Variants in XRRA1 observed in about 807,000 individuals in gnomAD.
XRRA1 encodes the protein X-ray radiation resistance-associated protein 1.
Under a neutral mutation model 80.2 loss-of-function variants are expected in XRRA1, and 69 were observed. The ratio of observed to expected loss-of-function variants is 0.86; its 90% CI spans 0.71 to 1.05. XRRA1 has a LOEUF of 1.05. Among genes scored for constraint, XRRA1 ranks in the 50% least tolerant of loss-of-function variants. The pLI is 0.00. For missense variants in XRRA1, 967 were observed against 976.4 expected (o/e 0.99, Z 0.13); for synonymous variants, 348 against 389.9 (o/e 0.89, Z 1.27).
chr11:74,848,151 C>G lies in XRRA1; in HGVS notation c.1692G>C (p.Glu564Asp). The change falls in exon 15 of 19, where the codon GAG becomes GAC. Residue 564 changes from glutamate to aspartate, a missense_variant. Transcript: ENST00000684022. ...VRLSPERPSD[E>D]DSKSTESIFL... ...AGATGGACTCTGTGCTCTTGGAGTC[C>G]TCATCTGATGGGCGCTCTGGGCTGA... 1.9e-6 allele frequency: 3 copies of G among 1,612,774 alleles called. 1 individual carries two copies. Among genetic ancestry groups the G allele is most frequent in the South Asian group, 2.2e-5 (2 of 91,048 alleles).
chr11:74,945,594 G>T (rs539791893), intron 1 of XRRA1, among the ~76,000 whole-genome samples: 1 of 113,802 alleles, frequency 8.8e-6, no homozygotes, highest in Non-Finnish European at 1.9e-5. Context: ...ACAACTAATG[G>T]GCCAAGAAGG....
intron 5 of XRRA1, 74 bp downstream of exon 5, chr11:74,933,727 G>C (rs1398125519): frequency 7.0e-7 from 1 of 1,426,190 alleles, no homozygotes. Context: ...AGGTGCAAGA[G>C]ACAAACCACA....
chr11:74,898,538 T>C (rs1033838903), intron 10 of XRRA1, among the ~76,000 whole-genome samples: 2 of 151,576 alleles, frequency 1.3e-5, no homozygotes, highest in Non-Finnish European at 2.9e-5. Context: ...AAGATACACA[T>C]AGACTAAAAA....
At chr11:74,892,648 T>C (rs1288640808) in intron 10 of XRRA1, among the ~76,000 whole-genome samples, 193 of 152,052 alleles carry the variant, frequency 1.3e-3, no homozygotes, top group Non-Finnish European at 2.3e-3. Context: ...ATTTTTGCAA[T>C]CTACTCATCT....
chr11:74,868,860 T>G (rs942292802), intron 10 of XRRA1, among the ~76,000 whole-genome samples: 1 of 152,140 alleles, frequency 6.6e-6, no homozygotes, highest in East Asian at 1.9e-4. Flanking sequence ...AAGTTGCTTT[T>G]AGAGACATAT....
chr11:74,867,928 T>TTTTTC (rs1377431234), intron 10 of XRRA1, among the ~76,000 whole-genome samples: 1 of 146,294 alleles, frequency 6.8e-6, no homozygotes, highest in Non-Finnish European at 1.5e-5. Context: ...TTTTTTTTTT[T>TTTTTC]TTTTTTTTCT....
intron 14 of XRRA1, 96 bp from the exon 15 acceptor site, chr11:74,848,558 G>T: frequency 8.6e-7 from 1 of 1,162,360 alleles, no homozygotes; most frequent in Non-Finnish European, 1.2e-6. Flanking sequence ...AGCAGCCGGA[G>T]TGCTGGGTAC....
intron 7 of XRRA1, 119 bp downstream of exon 7, chr11:74,927,272 A>T (rs1942479127): frequency 2.9e-6 from 1 of 342,984 alleles, no homozygotes; most frequent in Non-Finnish European, 5.3e-6. Context: ...CAATGAAGCA[A>T]GGGCCTGGCT....
At chr11:74,855,315 C>A in intron 12 of XRRA1, among the ~76,000 whole-genome samples, 1 of 152,094 alleles carries the variant, frequency 6.6e-6, no homozygotes, top group Non-Finnish European at 1.5e-5. Context: ...ATGGGAGATG[C>A]AGAATTTAAT....
rs749025198 is a variant in XRRA1 at position 74,858,406 on chromosome 11, C to T, written c.1170+752G>A. 2.0e-4 allele frequency among the ~76,000 whole-genome samples: 30 copies of T among 152,142 alleles called. 1 individual carries two copies. Among genetic ancestry groups the T allele is most frequent in the Non-Finnish European group, 4.4e-4 (30 of 68,036 alleles). On this transcript the variant is annotated intron_variant, in intron 12 of 18. Transcript: ENST00000684022. ...TATAAAGATTAAGTTGAAATAAAGA[C>T]CTAAATGTAAGAGCTGAAACAATAA...
chr11:74,920,395 A>C (rs1940361180), intron 8 of XRRA1, among the ~76,000 whole-genome samples: 1 of 152,232 alleles, frequency 6.6e-6, no homozygotes, highest in Admixed American at 6.5e-5. Flanking sequence ...ATACACATAT[A>C]TATATTAGGC....
chr11:74,912,566 G>C (rs2056153268), intron 8 of XRRA1, among the ~76,000 whole-genome samples: 1 of 152,116 alleles, frequency 6.6e-6, no homozygotes, highest in Non-Finnish European at 1.5e-5. Context: ...GTATACACTA[G>C]AAATAGTATG....
chr11:74,885,553 G>A (rs1361833245), intron 10 of XRRA1, among the ~76,000 whole-genome samples: 1 of 152,084 alleles, frequency 6.6e-6, no homozygotes, highest in Non-Finnish European at 1.5e-5. Flanking sequence ...CCAATAACAA[G>A]TTCTGAAACT....
rs111462396 is a variant in XRRA1, at chr11:74,896,548, G to A, written c.1003+9691C>T. Reference sequence around the variant, plus strand: ...ATTGCTAAGGTGCTTGACTCCACTCGCTGGCTCCCAGACAGCATCTCTGGA... The same window carrying A: ...ATTGCTAAGGTGCTTGACTCCACTCACTGGCTCCCAGACAGCATCTCTGGA... On this transcript the variant is annotated intron_variant, in intron 10 of 18. Transcript: ENST00000684022. 9.9e-3 allele frequency among the ~76,000 whole-genome samples: 1,510 copies of A among 152,260 alleles called. 29 individuals are homozygous for A. The highest frequency in any genetic ancestry group is 0.032 in the African/African-American group (1,340 of 41,536).
At chr11:74,936,287 C>T (rs553833229) in intron 4 of XRRA1, among the ~76,000 whole-genome samples, 2 of 152,360 alleles carry the variant, frequency 1.3e-5, no homozygotes, top group East Asian at 1.9e-4. Context: ...AGCCTGCCCC[C>T]GGCACTAAGT....
At chr11:74,888,876 AC>A (rs200121416) in intron 10 of XRRA1, among the ~76,000 whole-genome samples, 5,135 of 152,218 alleles carry the variant, frequency 0.034, 295 homozygotes, top group African/African-American at 0.12. Context: ...ATAAAAAGAA[AC>A]AAAGCCTCCA....
At position 74,843,866 on chromosome 11, in the gene XRRA1, CTG is replaced by C; in HGVS notation, c.2135_2136del (p.Thr712ArgfsTer62). ...GGCAGAGCCGTACCTAGTGGAGCCT[CTG>C]TAATGTTCCGGGGATCCCGCAAGCG... is the stretch of plus-strand genomic sequence containing the variant. Reference protein sequence around the residue: ...FIRLRDPRNITEAPLGAVLHQ... With the variant: ...FIRLRDPRNIXEAPLGAVLHQ... On this transcript the variant is annotated frameshift_variant, in exon 18 of 19. Coordinates refer to ENST00000684022, the MANE Select transcript of XRRA1 (RefSeq NM_001378157.1). LOFTEE classifies it high-confidence loss of function. 6.2e-7 allele frequency: 1 copy of C among 1,610,280 alleles called. No individual in the cohort carries two copies. The highest frequency in any genetic ancestry group is 1.3e-5 in the African/African-American group (1 of 74,988).
intron 9 of XRRA1, 152 bp downstream of exon 9, chr11:74,906,993 G>C: frequency 9.9e-7 from 1 of 1,011,786 alleles, no homozygotes. Flanking sequence ...AAAGCTCAGA[G>C]GGGAGAAATG....
At chr11:74,942,075 G>C (rs1946438912) in intron 2 of XRRA1, among the ~76,000 whole-genome samples, 1 of 151,926 alleles carries the variant, frequency 6.6e-6, no homozygotes, top group South Asian at 2.1e-4. Flanking sequence ...ATCATGCCTG[G>C]GTGACAGTGA....
Sources: gnomAD v4.1 joint callset for allele counts (sites outside exome capture counted in the v4.1 genomes callset) on GRCh38, gnomAD v4.1.1 for gene constraint, MANE v1.5 for transcripts, NCBI Gene and HGNC (gene_info 2026-07-23, HGNC 2026-07-21) for gene names.